SNX12: variants seen among roughly 807,000 people sequenced by gnomAD.
SNX12 encodes the protein sorting nexin-12.
For synonymous variants in SNX12, 47 were observed against 56.0 expected (o/e 0.84, Z 0.71); for missense variants, 62 against 141.3 (o/e 0.44, Z 2.84).
upstream of SNX12, among the ~76,000 whole-genome samples, chrX:71,070,763 G>A (rs750264950): frequency 1.3e-4 from 14 of 110,987 alleles, no homozygotes; most frequent in South Asian, 3.8e-4. Flanking sequence ...AATGTGAATC[G>A]GTACAATCTT....
At chrX:71,068,069 G>C in intron 1 of SNX12, 73 bp downstream of exon 1, 1 of 948,594 alleles carries the variant, frequency 1.1e-6, no homozygotes, top group Non-Finnish European at 1.4e-6. Flanking sequence ...TTGCCCCCGC[G>C]GTAGCCTCCC....
intron 1 of SNX12, among the ~76,000 whole-genome samples, chrX:71,065,467 G>A (rs1393555529): frequency 7.3e-5 from 8 of 109,691 alleles, no homozygotes; most frequent in African/African-American, 2.0e-4. Context: ...TCAGGAGTTC[G>A]AGACCAGCCT....
At position 71,068,292 on chromosome X, in the gene SNX12, T is replaced by C; in HGVS notation, c.15A>G (p.Ala5=). 8.3e-7 allele frequency: 1 copy of C among 1,201,560 alleles called. No individual in the cohort carries two copies. The highest frequency in any genetic ancestry group is 1.7e-5 in the African/African-American group (1 of 57,475). Residue 5 remains alanine (A), a synonymous_variant, in exon 1 of 4, where the codon GCA becomes GCG. Transcript: ENST00000374274. MSDT[A]VADTRRLNSK... Reference sequence around the variant, plus strand: ...AGTTAAGGCGCCGGGTATCAGCTACTGCCGTGTCCGACATCTTTCCGAAGG... The same window carrying C: ...AGTTAAGGCGCCGGGTATCAGCTACCGCCGTGTCCGACATCTTTCCGAAGG...
In SNX12 at chrX:71,061,100, C is replaced by T; in HGVS notation, c.405G>A (p.Leu135=). ...TGTGTAGGCAGCGTTCATTCTGAGCCAGTGGGTGCCCAGCAATTCTATAAA... is the reference window on the plus strand; with the variant it reads ...TGTGTAGGCAGCGTTCATTCTGAGCTAGTGGGTGCCCAGCAATTCTATAAA... ...QFINKIAGHP[L]AQNERCLHMF... is the part of the protein sequence containing the mutation. Residue 135 remains leucine, a synonymous_variant, in exon 4 of 4, where the codon CTG becomes CTA. Coordinates refer to ENST00000374274, the MANE Select transcript of SNX12 (RefSeq NM_013346.4). The T allele has an allele frequency of 8.3e-7, 1 of 1,206,201 alleles. No individual in the cohort carries two copies. Among genetic ancestry groups the T allele is most frequent in the Non-Finnish European group, 1.1e-6 (1 of 891,269 alleles).
At chrX:71,071,573 TA>T (rs1204930475), upstream of SNX12, among the ~76,000 whole-genome samples, 5 of 29,082 alleles carry the variant, frequency 1.7e-4, 1 homozygote, top group African/African-American at 8.2e-4. Flanking sequence ...ATTTATATAT[TA>T]TATATATAAA....
At chrX:71,066,623 G>C (rs1403430755) in intron 1 of SNX12, among the ~76,000 whole-genome samples, 1 of 105,212 alleles carries the variant, frequency 9.5e-6, no homozygotes, top group Non-Finnish European at 1.9e-5. Context: ...AGAATACCCT[G>C]AGTAAAGAGC....
chrX:71,060,793 C>CCCCCCCCCCA lies in SNX12; in HGVS notation c.*222_*223insTGGGGGGGGG. 1 of 105,433 alleles carries CCCCCCCCCCA rather than the reference C, an allele frequency of 9.5e-6. No homozygotes were observed. Among genetic ancestry groups the CCCCCCCCCCA allele is most frequent in the Non-Finnish European group, 1.9e-5 (1 of 53,757 alleles). 8.7% of individuals were successfully genotyped at this position (105,433 alleles called of 1,213,427 possible). A position where few individuals can be genotyped will look rare whatever the true frequency, so the allele number is the denominator to read the frequency against. On this transcript the variant is annotated 3_prime_UTR_variant, in exon 4 of 4. Coordinates refer to ENST00000374274, the MANE Select transcript of SNX12 (RefSeq NM_013346.4). ...ATCCCCCCACCCACCCACCCCAACC[C>CCCCCCCCCCA]CAAGCAAAGGGCATCTGCCTGTGGG...
Position 71,068,133 on chromosome X carries a change from G to T in SNX12, c.165+9C>A. ...CTCCCTCAGCTGTCTCCCTCACCCC[G>T]TGACTCACCCGCATGCGAACCTCAT... On this transcript the variant is annotated intron_variant, in intron 1 of 3. Coordinates refer to ENST00000374274, the MANE Select transcript of SNX12 (RefSeq NM_013346.4). The T allele has an allele frequency of 6.1e-6, 6 of 989,463 alleles. No individual in the cohort carries two copies. The highest frequency in any genetic ancestry group is 7.9e-6 in the Non-Finnish European group (6 of 764,029). 81.5% of individuals were successfully genotyped at this position (989,463 alleles called of 1,213,427 possible).
Position 71,061,825 on chromosome X carries a change from C to T in SNX12, c.386+18G>A. On this transcript the variant is annotated intron_variant, in intron 3 of 3. Coordinates refer to ENST00000374274, the MANE Select transcript of SNX12 (RefSeq NM_013346.4). The stretch of plus-strand genomic sequence containing the variant: ...GATGGCAAAAGTAGCAAGTGGAGCC[C>T]CCAGGAACTTGGCTTACTTGTTAAT... 8.3e-7 allele frequency: 1 copy of T among 1,201,326 alleles called. No individual in the cohort carries two copies.
In SNX12 at chrX:71,062,903, C is replaced by T. The variant is rs758782217; in HGVS notation, c.212G>A (p.Arg71His). The change falls in exon 2 of 4, where the codon CGC becomes CAC. Residue 71 changes from arginine to histidine, a missense_variant. Physicochemically the swap from Arg to His is conservative, Grantham distance 29 (BLOSUM62 0). Coordinates refer to ENST00000374274, the MANE Select transcript of SNX12 (RefSeq NM_013346.4). Reference protein sequence around the residue: ...FKLKESCVRRRYSDFEWLKNE... With the variant: ...FKLKESCVRRHYSDFEWLKNE... Reference sequence around the variant, plus strand: ...TTTCAGCCACTCAAAGTCACTGTAGCGCCGCCGTACGCAGGACTCCTTTAG... The same window carrying T: ...TTTCAGCCACTCAAAGTCACTGTAGTGCCGCCGTACGCAGGACTCCTTTAG... The T allele has an allele frequency of 8.3e-7, 1 of 1,207,228 alleles. No individual in the cohort carries two copies. The highest frequency in any genetic ancestry group is 1.1e-6 in the Non-Finnish European group (1 of 892,321).
At chrX:71,068,822 C>T, upstream of SNX12, among the ~76,000 whole-genome samples, 1 of 112,125 alleles carries the variant, frequency 8.9e-6, no homozygotes, top group Non-Finnish European at 1.9e-5. Flanking sequence ...TATAACGTAG[C>T]CGTCCCACCT....
At chrX:71,062,723 T>C (rs1263325147) in intron 2 of SNX12, 131 bp downstream of exon 2, 1 of 466,072 alleles carries the variant, frequency 2.1e-6, no homozygotes, top group Non-Finnish European at 3.8e-6. Flanking sequence ...TCTAAAATAC[T>C]GAGATTTGAT....
At position 71,068,163 on chromosome X, in the gene SNX12, G is replaced by A; in HGVS notation, c.144C>T (p.Thr48=). The A allele has an allele frequency of 1.7e-6, 2 of 1,208,074 alleles. No homozygotes were observed. Among genetic ancestry groups the A allele is most frequent in the Non-Finnish European group, 2.2e-6 (2 of 893,997 alleles). ...TCACCCGCATGCGAACCTCATAGGT[G>A]GTGAAGCGCGCGCGTCCCACGCCCA... is the stretch of plus-strand genomic sequence containing the variant. The part of the protein sequence containing the change: ...QTVGVGRARF[T]TYEVRMRTNL... The change falls in exon 1 of 4, where the codon ACC becomes ACT. Residue 48 remains threonine, a synonymous_variant. Coordinates refer to ENST00000374274, the MANE Select transcript of SNX12 (RefSeq NM_013346.4).
upstream of SNX12, chrX:71,068,409 C>T: frequency 1.4e-6 from 1 of 720,054 alleles, no homozygotes; most frequent in South Asian, 3.3e-5. Flanking sequence ...CTAGCCAACC[C>T]ACAGGCGGCG....
At chrX:71,069,813 C>G (rs12558076), upstream of SNX12, among the ~76,000 whole-genome samples, 2 of 110,305 alleles carry the variant, frequency 1.8e-5, no homozygotes, top group African/African-American at 6.6e-5. Context: ...TGGTGGCACA[C>G]GCCTGTAATC....
At chrX:71,066,190 T>C (rs1374770045) in intron 1 of SNX12, among the ~76,000 whole-genome samples, 1 of 111,964 alleles carries the variant, frequency 8.9e-6, no homozygotes, top group Non-Finnish European at 1.9e-5. Context: ...CTCCTCAGTT[T>C]CCCATGTGTA....
chrX:71,066,191 C>T (rs1388861505), intron 1 of SNX12, among the ~76,000 whole-genome samples: 3 of 111,995 alleles, frequency 2.7e-5, no homozygotes, highest in Non-Finnish European at 5.6e-5. Flanking sequence ...TCCTCAGTTT[C>T]CCATGTGTAA....
At chrX:71,068,106 T>C (rs1436736642) in intron 1 of SNX12, 36 bp downstream of exon 1, 4 of 670,104 alleles carry the variant, frequency 6.0e-6, no homozygotes, top group African/African-American at 5.2e-5. Context: ...CGCCGCCCGG[T>C]CCTCCCTCAG....
At chrX:71,069,999 A>G (rs1265709329), upstream of SNX12, among the ~76,000 whole-genome samples, 2 of 111,938 alleles carry the variant, frequency 1.8e-5, no homozygotes, top group African/African-American at 3.2e-5. Context: ...AAAGAAAGAA[A>G]GAATACACAA....
Sources: allele counts gnomAD v4.1 joint callset (sites outside exome capture counted in the v4.1 genomes callset), GRCh38; gene constraint gnomAD v4.1.1; transcripts MANE v1.5; gene names NCBI Gene and HGNC (gene_info 2026-07-23, HGNC 2026-07-21).